The following COL21A1 variants were observed in gnomAD, a reference collection of about 807,000 sequenced individuals.
COL21A1 encodes collagen type XXI alpha 1 chain, also known as collagen alpha-1(XXI) chain.
In COL21A1, 149 loss-of-function variants were observed where a neutral mutation model predicts 137.9. The ratio of observed to expected loss-of-function variants is 1.08; its 90% confidence interval spans 0.95 to 1.24. The LOEUF (loss-of-function observed/expected upper bound fraction) is 1.24, where lower values mean the gene tolerates loss of function less well. Ranked by LOEUF, COL21A1 falls within the 50% of genes most tolerant of loss-of-function variation. The pLI is 0.00. For synonymous variants in COL21A1, 456 were observed against 391.5 expected (o/e 1.16, Z -1.95); for missense variants, 1,167 against 1,158.4 (o/e 1.01, Z -0.11).
At chr6:56,126,462 A>T (rs766533485) in intron 12 of COL21A1, 5 of 255,098 alleles carry the variant, frequency 2.0e-5, no homozygotes, top group Admixed American at 5.6e-5. Context: ...GAATTAATTG[A>T]AATGATCTAA....
intron 16 of COL21A1, among the ~76,000 whole-genome samples, chr6:56,113,392 A>G (rs890844075): frequency 5.3e-5 from 8 of 152,150 alleles, no homozygotes; most frequent in Non-Finnish European, 1.0e-4. Context: ...TACTGGCCAG[A>G]GTCAAGAGGC....
At chr6:56,343,664 G>C (rs910356529) in intron 1 of COL21A1, among the ~76,000 whole-genome samples, 1 of 152,178 alleles carries the variant, frequency 6.6e-6, no homozygotes, top group Non-Finnish European at 1.5e-5. Flanking sequence ...TTGTAGGCCA[G>C]GCACAGTGGC....
rs140409980 is a variant in COL21A1, at chr6:56,164,450, C to T, written c.1344G>A (p.Pro448=). The part of the protein sequence containing the change: ...GSTPAPCICP[P]GKPGLQGPKG... ...TGGGGCCTTGAAGTCCTGGTTTTCC[C>T]GGAGGACAAATACAGGGAGCTGGAG... Residue 448 remains proline, a synonymous_variant, in exon 9 of 30, where the codon CCG becomes CCA. Coordinates refer to ENST00000244728, the MANE Select transcript of COL21A1 (RefSeq NM_030820.4). The T allele has an allele frequency of 2.3e-4, 361 of 1,588,784 alleles. No homozygotes were observed. The highest frequency in any genetic ancestry group is 2.1e-4 in the Non-Finnish European group (241 of 1,166,562).
At position 56,151,685 on chromosome 6, in the gene COL21A1, G is replaced by A. The variant is rs995530675; in HGVS notation, c.1434+5202C>T. Among the ~76,000 whole-genome samples, 4 of 152,168 alleles carry A rather than the reference G, an allele frequency of 2.6e-5. No homozygotes were observed. In the South Asian group the frequency reaches 6.2e-4, roughly 24 times the overall value. On this transcript the variant is annotated intron_variant, in intron 10 of 29. Transcript: ENST00000244728. ...AAAGAGATTCAAATAGCTTATTGAG[G>A]GGGGTTGCACAGAAACAAGTCCAAA...
chr6:56,355,597 G>A (rs1330401057), intron 1 of COL21A1, among the ~76,000 whole-genome samples: 4 of 152,132 alleles, frequency 2.6e-5, no homozygotes, highest in African/African-American at 4.8e-5. Flanking sequence ...GATATTTCAC[G>A]TTATTAAGGA....
At chr6:56,287,355 G>C (rs1461588826) in intron 1 of COL21A1, among the ~76,000 whole-genome samples, 1 of 152,116 alleles carries the variant, frequency 6.6e-6, no homozygotes, top group Non-Finnish European at 1.5e-5. Flanking sequence ...GATATGTTTG[G>C]CTCTGTGTCC....
chr6:56,376,544 CAGGCTCTAGCA>C (rs1279811361), intron 1 of COL21A1, among the ~76,000 whole-genome samples: 1 of 151,734 alleles, frequency 6.6e-6, no homozygotes, highest in African/African-American at 2.4e-5. Flanking sequence ...CAAAGAGAGG[CAGGCTCTAGCA>C]AGTTGAACTT....
intron 1 of COL21A1, among the ~76,000 whole-genome samples, chr6:56,188,626 C>T (rs1778459348): frequency 6.6e-6 from 1 of 152,190 alleles, no homozygotes; most frequent in South Asian, 2.1e-4. Flanking sequence ...GCACAGCGTT[C>T]GAGCTCTGCT....
chr6:56,106,743 A>C (rs1394618417), intron 16 of COL21A1, among the ~76,000 whole-genome samples: 1 of 152,218 alleles, frequency 6.6e-6, no homozygotes, highest in East Asian at 1.9e-4. Flanking sequence ...AATAAACATA[A>C]AGAAAACTGA....
At chr6:56,338,012 G>A (rs556927210) in intron 1 of COL21A1, among the ~76,000 whole-genome samples, 56 of 147,876 alleles carry the variant, frequency 3.8e-4, no homozygotes, top group African/African-American at 1.4e-3. Context: ...GCCCAGGCTG[G>A]AGTGCAGTGG....
chr6:56,208,925 A>G (rs1239238826), intron 1 of COL21A1, among the ~76,000 whole-genome samples: 2 of 152,202 alleles, frequency 1.3e-5, no homozygotes, highest in Admixed American at 6.5e-5. Context: ...GCAACAGGGA[A>G]AGGATTCCTT....
chr6:56,301,129 T>C (rs894536014), intron 1 of COL21A1, among the ~76,000 whole-genome samples: 1 of 152,174 alleles, frequency 6.6e-6, no homozygotes, highest in Non-Finnish European at 1.5e-5. Context: ...GTCCACATCC[T>C]AATCTCTGGA....
At chr6:56,262,548 G>A in intron 1 of COL21A1, among the ~76,000 whole-genome samples, 1 of 152,090 alleles carries the variant, frequency 6.6e-6, no homozygotes, top group Non-Finnish European at 1.5e-5. Context: ...GAAGGAGAAT[G>A]TATTTTAATT....
At chr6:56,208,396 G>A (rs747647290) in intron 1 of COL21A1, among the ~76,000 whole-genome samples, 6 of 152,088 alleles carry the variant, frequency 3.9e-5, no homozygotes, top group Non-Finnish European at 8.8e-5. Context: ...CAAACAGAGA[G>A]CCAAATCATG....
intron 17 of COL21A1, among the ~76,000 whole-genome samples, chr6:56,084,263 A>G (rs910698026): frequency 6.6e-6 from 1 of 151,642 alleles, no homozygotes; most frequent in African/African-American, 2.4e-5. Flanking sequence ...AGATTGCTTT[A>G]TAGCTATGCT....
Position 56,240,484 on chromosome 6 carries a change from T to C in COL21A1, c.-39+6903A>G, listed in dbSNP as rs1361880675. On this transcript the variant is annotated intron_variant, in intron 1 of 29. Transcript: ENST00000244728. ...AGTATTTTGTTATAGCAGCATAAAA[T>C]GAACTGAGATATACCTCAATAGGAA... Among the ~76,000 whole-genome samples, 7 of 152,192 alleles carry C rather than the reference T, an allele frequency of 4.6e-5. No individual in the cohort carries two copies. The East Asian group carries it at 1.3e-3, about 29-fold the overall frequency.
At chr6:56,227,551 A>T (rs1455359104) in intron 1 of COL21A1, among the ~76,000 whole-genome samples, 1 of 152,052 alleles carries the variant, frequency 6.6e-6, no homozygotes, top group East Asian at 1.9e-4. Flanking sequence ...GTTGGTTCTG[A>T]TATGAAAAAT....
intron 1 of COL21A1, among the ~76,000 whole-genome samples, chr6:56,217,430 T>A (rs1288284136): frequency 6.6e-6 from 1 of 152,060 alleles, no homozygotes. Context: ...TTCAGAAGAC[T>A]GCACATTAAA....
intron 1 of COL21A1, among the ~76,000 whole-genome samples, chr6:56,275,466 G>C (rs1226336902): frequency 6.6e-6 from 1 of 152,014 alleles, no homozygotes; most frequent in Non-Finnish European, 1.5e-5. Context: ...CTGTGCATCT[G>C]ACAAAGGTCT....
Sources: gnomAD v4.1 joint callset for allele counts (sites outside exome capture counted in the v4.1 genomes callset) on GRCh38, gnomAD v4.1.1 for gene constraint, MANE v1.5 for transcripts, NCBI Gene and HGNC (gene_info 2026-07-23, HGNC 2026-07-21) for gene names.